The following ADGRB3 variants were observed in gnomAD, a reference collection of about 807,000 sequenced individuals.
The protein encoded by ADGRB3 is adhesion G protein-coupled receptor B3.
Under a neutral mutation model 193.4 loss-of-function variants are expected in ADGRB3, and 37 were observed. That is an observed-to-expected ratio of 0.19 (90% confidence interval 0.15 to 0.25). The LOEUF (loss-of-function observed/expected upper bound fraction) is 0.25, where lower values mean the gene tolerates loss of function less well. Among genes scored for constraint, ADGRB3 ranks in the 10% least tolerant of loss-of-function variants. ADGRB3 has a pLI of 1.00. For missense variants in ADGRB3, 1,637 were observed against 1,852.9 expected (o/e 0.88, Z 2.14); for synonymous variants, 690 against 644.2 (o/e 1.07, Z -1.08).
At chr6:69,366,977 C>T (rs932529261) in intron 29 of ADGRB3, among the ~76,000 whole-genome samples, 1 of 152,002 alleles carries the variant, frequency 6.6e-6, no homozygotes, top group Admixed American at 6.6e-5. Context: ...ACCATTAAAC[C>T]AATGAATGAA....
At chr6:69,082,761 G>GT (rs1024742895) in intron 17 of ADGRB3, among the ~76,000 whole-genome samples, 29 of 152,134 alleles carry the variant, frequency 1.9e-4, no homozygotes, top group African/African-American at 7.0e-4. Context: ...TTTGGGGTTT[G>GT]TTTCTGCTCT....
chr6:68,705,033 A>G (rs1235261419), intron 3 of ADGRB3, among the ~76,000 whole-genome samples: 1 of 152,202 alleles, frequency 6.6e-6, no homozygotes, highest in Non-Finnish European at 1.5e-5. Flanking sequence ...CATTTTTGAA[A>G]TGTTGTATTT....
chr6:68,895,340 T>G (rs1379864491), intron 3 of ADGRB3, among the ~76,000 whole-genome samples: 2 of 151,972 alleles, frequency 1.3e-5, no homozygotes, highest in Non-Finnish European at 2.9e-5. Context: ...TTTGCTTTAT[T>G]TTTGCAAGTC....
chr6:68,982,690 A>G (rs1768953258), intron 10 of ADGRB3, among the ~76,000 whole-genome samples: 1 of 152,114 alleles, frequency 6.6e-6, no homozygotes, highest in Non-Finnish European at 1.5e-5. Flanking sequence ...TCTTCATCCT[A>G]TCTCCTCAGC....
intron 17 of ADGRB3, among the ~76,000 whole-genome samples, chr6:69,091,029 A>G (rs951036929): frequency 1.1e-4 from 17 of 152,248 alleles, no homozygotes; most frequent in Non-Finnish European, 2.4e-4. Context: ...GCCAATAATC[A>G]TATGAAAAAA....
intron 29 of ADGRB3, among the ~76,000 whole-genome samples, chr6:69,364,670 T>C (rs1769530713): frequency 6.6e-6 from 1 of 152,032 alleles, no homozygotes; most frequent in African/African-American, 2.4e-5. Context: ...TATGGAACAA[T>C]TGCAATACTA....
intron 3 of ADGRB3, among the ~76,000 whole-genome samples, chr6:68,846,397 G>A (rs1768275186): frequency 6.6e-6 from 1 of 152,204 alleles, no homozygotes; most frequent in Non-Finnish European, 1.5e-5. Flanking sequence ...AGATTATGGG[G>A]AAAATGTTCA....
At position 69,019,139 on chromosome 6, in the gene ADGRB3, A is replaced by G. The variant is rs144186990; in HGVS notation, c.2107+640A>G. ...CACTTCTCTTTGTGGTTAAAAATTA[A>G]CAAGCACAAAGAAATAGCCTTCTTA... On this transcript the variant is annotated intron_variant, in intron 13 of 31. Transcript: ENST00000370598. Among the ~76,000 whole-genome samples, 1,180 of 152,152 alleles carry G rather than the reference A, an allele frequency of 7.8e-3. 18 individuals carry two copies. The highest frequency in any genetic ancestry group is 0.027 in the African/African-American group (1,127 of 41,556).
chr6:68,709,770 T>C (rs1216190827), intron 3 of ADGRB3, among the ~76,000 whole-genome samples: 1 of 152,208 alleles, frequency 6.6e-6, no homozygotes, highest in East Asian at 1.9e-4. Flanking sequence ...AAACTACGTA[T>C]GCAAAAGGAC....
In ADGRB3 at chr6:68,940,575, T is replaced by TA. The variant is rs1390793150; in HGVS notation, c.1031-3255_1031-3254insA. On this transcript the variant is annotated intron_variant, in intron 5 of 31. Transcript: ENST00000370598. ...TTTTTTTTTTTTTTTTTTTGCTAAA[T>TA]GTATAGTTCTTATATTCATTTATTT... 3.5e-3 allele frequency among the ~76,000 whole-genome samples: 5 copies of TA among 1,446 alleles called. 1 individual carries two copies. Among genetic ancestry groups the TA allele is most frequent in the African/African-American group, 0.011 (4 of 348 alleles). 0.9% of individuals were successfully genotyped at this position (1,446 alleles called of 152,430 possible).
chr6:69,008,104 G>A (rs1171723754), intron 11 of ADGRB3, among the ~76,000 whole-genome samples: 1 of 152,124 alleles, frequency 6.6e-6, no homozygotes, highest in Admixed American at 6.6e-5. Context: ...ACATTTTAAA[G>A]GCCCCAACTC....
At chr6:69,028,511 T>G (rs1319219629) in intron 13 of ADGRB3, among the ~76,000 whole-genome samples, 1 of 152,190 alleles carries the variant, frequency 6.6e-6, no homozygotes, top group Non-Finnish European at 1.5e-5. Context: ...TCGAAAACAC[T>G]GATCATGTTA....
chr6:69,249,637 T>C (rs1766577836), intron 20 of ADGRB3, among the ~76,000 whole-genome samples: 1 of 152,316 alleles, frequency 6.6e-6, no homozygotes, highest in South Asian at 2.1e-4. Flanking sequence ...CAGAGTTCTC[T>C]TTTTACCTCT....
At chr6:68,864,226 C>G (rs1765231100) in intron 3 of ADGRB3, among the ~76,000 whole-genome samples, 1 of 152,292 alleles carries the variant, frequency 6.6e-6, no homozygotes, top group East Asian at 1.9e-4. Context: ...TACTTAATTT[C>G]TTGATATGGC....
At chr6:69,388,665 ATCACATAAATGAC>A in intron 31 of ADGRB3, 25 bp from the exon 32 acceptor site, 1 of 1,571,952 alleles carries the variant, frequency 6.4e-7, no homozygotes. Flanking sequence ...GATCCTGGTC[ATCACATAAATGAC>A]TCTCTTTCCC....
At chr6:69,051,294 T>C (rs1380558788) in intron 15 of ADGRB3, among the ~76,000 whole-genome samples, 1 of 152,146 alleles carries the variant, frequency 6.6e-6, no homozygotes, top group Non-Finnish European at 1.5e-5. Flanking sequence ...AGTCACTGAC[T>C]TTTTTTAATA....
Position 69,178,115 on chromosome 6 carries a change from A to G in ADGRB3, c.2481-55175A>G, listed in dbSNP as rs141762917. ...CTTGTTTTATGAATCTGGGTGCTCC[A>G]ATGTGGTATGCATATATACTTGGAA... On this transcript the variant is annotated intron_variant, in intron 17 of 31. Transcript: ENST00000370598. Among the ~76,000 whole-genome samples the G allele has an allele frequency of 1.1e-3, 170 of 152,292 alleles. 3 individuals are homozygous for G. Among genetic ancestry groups the G allele is most frequent in the Non-Finnish European group, 5.4e-4 (37 of 68,018 alleles).
intron 6 of ADGRB3, among the ~76,000 whole-genome samples, chr6:68,948,027 C>T (rs956161850): frequency 3.9e-5 from 6 of 152,050 alleles, no homozygotes; most frequent in South Asian, 2.1e-4. Flanking sequence ...AGGAAGCGAG[C>T]GGCCTTTGTT....
chr6:68,939,806 A>G (rs1582331806), intron 5 of ADGRB3, among the ~76,000 whole-genome samples: 5 of 152,186 alleles, frequency 3.3e-5, no homozygotes, highest in East Asian at 3.8e-4. Flanking sequence ...AAAATAATAA[A>G]TTCCTAAGAA....
Sources: gnomAD v4.1 joint callset for allele counts (sites outside exome capture counted in the v4.1 genomes callset) on GRCh38, gnomAD v4.1.1 for gene constraint, MANE v1.5 for transcripts, NCBI Gene and HGNC (gene_info 2026-07-23, HGNC 2026-07-21) for gene names.